ELFN2: variants seen among roughly 807,000 people sequenced by gnomAD.
ELFN2 encodes the protein extracellular leucine rich repeat and fibronectin type III domain containing 2.
Under a neutral mutation model 45.5 loss-of-function variants are expected in ELFN2, and 17 were observed. That is an observed-to-expected ratio of 0.37 (90% CI 0.26 to 0.56). ELFN2 has a LOEUF of 0.56. Among genes scored for constraint, ELFN2 ranks in the 20% least tolerant of loss-of-function variants. The probability of loss-of-function intolerance (pLI) is 0.77; values close to 1 mark genes in which losing one functional copy is unlikely to be tolerated. For missense variants in ELFN2, 922 were observed against 1,183.2 expected (o/e 0.78, Z 3.24); for synonymous variants, 550 against 551.5 (o/e 1.00, Z 0.04).
At chr22:37,411,812 C>T (rs1454442447) in intron 2 of ELFN2, among the ~76,000 whole-genome samples, 1 of 152,174 alleles carries the variant, frequency 6.6e-6, no homozygotes, top group Non-Finnish European at 1.5e-5. Context: ...CTCCAGGAGC[C>T]TGGCAGTATC....
chr22:37,419,580 G>A (rs2145690027), intron 1 of ELFN2, among the ~76,000 whole-genome samples: 1 of 152,130 alleles, frequency 6.6e-6, no homozygotes, highest in Non-Finnish European at 1.5e-5. Flanking sequence ...GCACAAACCA[G>A]GGGCACCGTG....
At chr22:37,419,444 C>G (rs986157965) in intron 1 of ELFN2, among the ~76,000 whole-genome samples, 5 of 151,990 alleles carry the variant, frequency 3.3e-5, no homozygotes, top group African/African-American at 1.2e-4. Flanking sequence ...CCCAGAGACT[C>G]GTGGGCCTAG....
downstream of ELFN2, among the ~76,000 whole-genome samples, chr22:37,363,195 A>T (rs1569128560): frequency 6.6e-6 from 1 of 151,710 alleles, no homozygotes; most frequent in African/African-American, 2.4e-5. Context: ...CCTCTTGTGA[A>T]TTTTTTTTTC....
Position 37,373,072 on chromosome 22 carries a change from T to G in ELFN2, c.2463A>C (p.Ter821CysextTer52). Residue 821 changes from the stop codon to cysteine (C), a stop_lost, in exon 3 of 3, where the codon TGA becomes TGC. Coordinates refer to ENST00000402918, the MANE Select transcript of ELFN2 (RefSeq NM_052906.5). ...ACCTCACCAGGGAGGAAGGGGGGGG[T>G]CACAGCTTCTGCTGGGCGGAGACCC... ...WKGVSAQQKL* is the reference protein window; with the variant it reads ...WKGVSAQQKLC 1.9e-6 allele frequency: 3 copies of G among 1,577,812 alleles called. No homozygotes were observed. The highest frequency in any genetic ancestry group is 2.6e-6 in the Non-Finnish European group (3 of 1,156,960).
In ELFN2 at chr22:37,372,927, T is replaced by C. The variant is rs1265743016; in HGVS notation, c.*145A>G. On this transcript the variant is annotated 3_prime_UTR_variant, in exon 3 of 3. Transcript: ENST00000402918. This position sits in a 1 kb window ranked among gnomAD's most constrained non-coding sequence, Gnocchi z 4.4. Reference sequence around the variant, plus strand: ...CAGTCGGGTGGTGGTCAGGTGTGTGTGTGCGTGCGTGCGTGCGGGTCTGCA... The same window carrying C: ...CAGTCGGGTGGTGGTCAGGTGTGTGCGTGCGTGCGTGCGTGCGGGTCTGCA... The C allele has an allele frequency of 1.0e-5, 8 of 799,152 alleles. No individual in the cohort carries two copies. Among genetic ancestry groups the C allele is most frequent in the African/African-American group, 5.2e-5 (3 of 57,448 alleles). 49.5% of individuals were successfully genotyped at this position (799,152 alleles called of 1,614,324 possible). A position where few individuals can be genotyped will look rare whatever the true frequency, so the allele number is the denominator to read the frequency against.
At chr22:37,420,115 C>G (rs979703051) in intron 1 of ELFN2, among the ~76,000 whole-genome samples, 4 of 152,196 alleles carry the variant, frequency 2.6e-5, no homozygotes, top group Admixed American at 6.5e-5. Context: ...CTCGAAGAGC[C>G]GCGGACGGCG....
chr22:37,404,553 G>C (rs547101159), intron 2 of ELFN2, among the ~76,000 whole-genome samples: 2 of 152,232 alleles, frequency 1.3e-5, no homozygotes, highest in African/African-American at 4.8e-5. Flanking sequence ...TTGAGCTTTA[G>C]GGGTCAGAGG....
chr22:37,398,605 C>T (rs1398657580), intron 2 of ELFN2, among the ~76,000 whole-genome samples: 1 of 152,148 alleles, frequency 6.6e-6, no homozygotes, highest in Non-Finnish European at 1.5e-5. Context: ...CATCGCCGCC[C>T]TGCTCTAAAG....
At position 37,374,020 on chromosome 22, in the gene ELFN2, C is replaced by T. The variant is rs766538809; in HGVS notation, c.1515G>A (p.Val505=). The change falls in exon 3 of 3, where the codon GTG becomes GTA. Residue 505 remains valine, a synonymous_variant. Coordinates refer to ENST00000402918, the MANE Select transcript of ELFN2 (RefSeq NM_052906.5). ...KVATKGNYIE[V]RTGAGGDGLA... Reference sequence around the variant, plus strand: ...GACCGTCCCCGCCGGCGCCTGTGCGCACCTCGATATAGTTGCCTTTGGTGG... The same window carrying T: ...GACCGTCCCCGCCGGCGCCTGTGCGTACCTCGATATAGTTGCCTTTGGTGG... 3.7e-6 allele frequency: 6 copies of T among 1,613,090 alleles called. No homozygotes were observed. In the East Asian group the frequency reaches 8.9e-5, roughly 24 times the overall value.
At chr22:37,348,498 C>T (rs1264491237) in intron 1 of ELFN2, among the ~76,000 whole-genome samples, 1 of 150,804 alleles carries the variant, frequency 6.6e-6, no homozygotes, top group Non-Finnish European at 1.5e-5. Context: ...GAGGGGTGGC[C>T]TTCCTGGAGT....
chr22:37,419,908 C>G (rs763062), intron 1 of ELFN2, among the ~76,000 whole-genome samples: 109,852 of 152,172 alleles, frequency 0.72, 40,711 homozygotes, highest in African/African-American at 0.9. Context: ...CAGCGCGGCC[C>G]GCCCCGCCGC....
At chr22:37,396,437 C>T (rs942331328) in intron 2 of ELFN2, among the ~76,000 whole-genome samples, 2 of 152,190 alleles carry the variant, frequency 1.3e-5, no homozygotes, top group African/African-American at 2.4e-5. Flanking sequence ...TTCCAAACCC[C>T]AGGAGCAGAG....
chr22:37,400,966 C>T (rs1207461880), intron 2 of ELFN2, among the ~76,000 whole-genome samples: 1 of 152,258 alleles, frequency 6.6e-6, no homozygotes, highest in Non-Finnish European at 1.5e-5. Context: ...TTCTCAAGTC[C>T]TGGCTCTGTG....
downstream of ELFN2, among the ~76,000 whole-genome samples, chr22:37,366,095 T>C (rs552816909): frequency 7.4e-4 from 112 of 152,296 alleles, no homozygotes; most frequent in African/African-American, 2.7e-3. Flanking sequence ...AATTGAAGTG[T>C]GCAGAAAGGG....
At chr22:37,361,525 GC>G (rs992954257) in intron 1 of ELFN2, among the ~76,000 whole-genome samples, 1 of 151,944 alleles carries the variant, frequency 6.6e-6, no homozygotes, top group African/African-American at 2.4e-5. Context: ...CCCTGCTCCT[GC>G]CCAGACACAA....
At chr22:37,361,682 C>G in intron 1 of ELFN2, among the ~76,000 whole-genome samples, 1 of 152,164 alleles carries the variant, frequency 6.6e-6, no homozygotes. Flanking sequence ...TAGGCCTGGG[C>G]GTGAGTACAA....
chr22:37,343,111 A>C (rs923688449), intron 1 of ELFN2, among the ~76,000 whole-genome samples: 1 of 152,030 alleles, frequency 6.6e-6, no homozygotes, highest in South Asian at 2.1e-4. Flanking sequence ...AGGCCCTCAG[A>C]GGGACCGGAA....
chr22:37,405,127 C>T (rs1406916084), intron 2 of ELFN2, among the ~76,000 whole-genome samples: 1 of 141,494 alleles, frequency 7.1e-6, no homozygotes, highest in Non-Finnish European at 1.5e-5. Flanking sequence ...CGGAGTCTCG[C>T]TCTTGCCCAG....
At chr22:37,356,153 G>A (rs1186344916) in intron 1 of ELFN2, among the ~76,000 whole-genome samples, 9 of 152,150 alleles carry the variant, frequency 5.9e-5, no homozygotes, top group African/African-American at 2.2e-4. Flanking sequence ...CACTGCAGGA[G>A]GGGGCGGTCA....
Sources: allele counts gnomAD v4.1 joint callset (sites outside exome capture counted in the v4.1 genomes callset), GRCh38; gene constraint gnomAD v4.1.1; non-coding constraint Gnocchi (gnomAD v3.1); transcripts MANE v1.5; gene names NCBI Gene and HGNC (gene_info 2026-07-23, HGNC 2026-07-21).